The following EFR3B variants were observed in gnomAD, a reference collection of about 807,000 sequenced individuals.
EFR3B encodes protein EFR3 homolog B.
A neutral mutation model predicts 104.7 loss-of-function variants in EFR3B; 64 were observed. The observed-to-expected ratio is 0.61, with a 90% CI of 0.50 to 0.75. The LOEUF is 0.75. Among genes scored for constraint, EFR3B ranks in the 30% least tolerant of loss-of-function variants. The pLI is 0.00. For missense variants in EFR3B, 750 were observed against 1,078.5 expected (o/e 0.70, Z 4.27); for synonymous variants, 385 against 417.9 (o/e 0.92, Z 0.96).
chr2:25,067,426 G>GTTTTTTTTTTTTTTTTTTTTTTT (rs111972158), intron 1 of EFR3B, among the ~76,000 whole-genome samples: 1 of 142,790 alleles, frequency 7.0e-6, no homozygotes, highest in African/African-American at 2.6e-5. Flanking sequence ...TTTAGTTTTT[G>GTTTTTTTTTTTTTTTTTTTTTTT]TTTTTTTTTT....
intron 1 of EFR3B, among the ~76,000 whole-genome samples, chr2:25,087,708 A>C (rs1054850314): frequency 1.3e-5 from 2 of 152,114 alleles, no homozygotes; most frequent in Non-Finnish European, 2.9e-5. Context: ...CCTGACCTCG[A>C]GTGATCCACC....
intron 3 of EFR3B, among the ~76,000 whole-genome samples, chr2:25,099,612 G>C (rs1028075473): frequency 1.3e-5 from 2 of 151,682 alleles, no homozygotes; most frequent in African/African-American, 4.9e-5. Context: ...TGGTTGCTTG[G>C]TATAGAAGTT....
At chr2:25,060,730 C>G (rs1668168448) in intron 1 of EFR3B, among the ~76,000 whole-genome samples, 1 of 151,952 alleles carries the variant, frequency 6.6e-6, no homozygotes, top group Non-Finnish European at 1.5e-5. Context: ...ACCATCATGG[C>G]TAACACAGCG....
chr2:25,042,540 G>A lies in EFR3B; in HGVS notation c.7+221G>A, dbSNP rs1667601138. ...GGGGTCCTCTCCAGGCCCGGCGCGT[G>A]CCGGTGCTGGGCGGTGGTCCTTCGG... On this transcript the variant is annotated intron_variant, in intron 1 of 22. Coordinates refer to ENST00000403714, the MANE Select transcript of EFR3B (RefSeq NM_014971.2). The surrounding 1 kb of genome is among the most constrained non-coding windows in gnomAD (Gnocchi z 5.4). 1 of 1,207,278 alleles carries A rather than the reference G, an allele frequency of 8.3e-7. No individual in the cohort carries two copies. The highest frequency in any genetic ancestry group is 3.4e-5 in the East Asian group (1 of 29,804). 74.8% of individuals were successfully genotyped at this position (1,207,278 alleles called of 1,614,324 possible). A position where few individuals can be genotyped will look rare whatever the true frequency, so the allele number is the denominator to read the frequency against.
intron 16 of EFR3B, among the ~76,000 whole-genome samples, chr2:25,140,774 G>A (rs369065805): frequency 1.3e-5 from 2 of 152,044 alleles, no homozygotes; most frequent in African/African-American, 2.4e-5. Flanking sequence ...CAGGTGCAGC[G>A]GCTCAGCCTT....
intron 4 of EFR3B, among the ~76,000 whole-genome samples, chr2:25,117,010 C>T (rs552391113): frequency 1.1e-4 from 17 of 152,314 alleles, no homozygotes; most frequent in African/African-American, 3.6e-4. Context: ...CCGTGAGCAG[C>T]TGCACTGGCT....
In EFR3B at chr2:25,130,090, G is replaced by T; in HGVS notation, c.751G>T (p.Ala251Ser). 6.4e-7 allele frequency: 1 copy of T among 1,551,802 alleles called. No homozygotes were observed. Among genetic ancestry groups the T allele is most frequent in the Non-Finnish European group, 8.7e-7 (1 of 1,147,024 alleles). The change falls in exon 7 of 23, where the codon GCC becomes TCC. Residue 251 changes from alanine (A) to serine (S), a missense_variant. Coordinates refer to ENST00000403714, the MANE Select transcript of EFR3B (RefSeq NM_014971.2). The surrounding 1 kb of genome is among the most constrained non-coding windows in gnomAD (Gnocchi z 4.6). ...GRAAFGNIKN[A>S]IKPVLIHLDN... Reference sequence around the variant, plus strand: ...GGCTGCCTTTGGCAACATCAAAAACGCCATCAAGCCTGTTCTCATGTGAGT... The same window carrying T: ...GGCTGCCTTTGGCAACATCAAAAACTCCATCAAGCCTGTTCTCATGTGAGT...
chr2:25,065,743 G>T (rs2149171742), intron 1 of EFR3B, among the ~76,000 whole-genome samples: 1 of 152,236 alleles, frequency 6.6e-6, no homozygotes, highest in East Asian at 1.9e-4. Flanking sequence ...CCCCTAAGCT[G>T]CCAGGACTCA....
In EFR3B at chr2:25,042,166, C is replaced by A. The variant is rs1667589965; in HGVS notation, c.-147C>A. 1 of 743,206 alleles carries A rather than the reference C, an allele frequency of 1.3e-6. No homozygotes were observed. Among genetic ancestry groups the A allele is most frequent in the Non-Finnish European group, 1.8e-6 (1 of 554,992 alleles). The allele number at this position is 743,206 out of a possible 1,614,324, so 46.0% of individuals were successfully genotyped here. A position where few individuals can be genotyped will look rare whatever the true frequency, so the allele number is the denominator to read the frequency against. ...CCGGCTCCGTCCTGCCCGCGGCCGG[C>A]CCCCGCGTCTGCTCCCTCCCCGCCC... On this transcript the variant is annotated 5_prime_UTR_variant, in exon 1 of 23. Coordinates refer to ENST00000403714, the MANE Select transcript of EFR3B (RefSeq NM_014971.2). The surrounding 1 kb of genome is among the most constrained non-coding windows in gnomAD (Gnocchi z 5.4).
Position 25,158,585 on chromosome 2 carries a change from T to C in EFR3B, c.*4245T>C, listed in dbSNP as rs1671236199. ...GCCTGGCTAGCTGGAAGACGCGGTA[T>C]GGCAGGGACAGGAGGGCGGCAGGAA... is the stretch of plus-strand genomic sequence containing the variant. On this transcript the variant is annotated 3_prime_UTR_variant, in exon 23 of 23. Coordinates refer to ENST00000403714, the MANE Select transcript of EFR3B (RefSeq NM_014971.2). The C allele has an allele frequency of 1.3e-5, 2 of 153,082 alleles. No individual in the cohort carries two copies. The highest frequency in any genetic ancestry group is 6.5e-5 in the Admixed American group (1 of 15,294). 9.5% of individuals were successfully genotyped at this position (153,082 alleles called of 1,614,324 possible). A position where few individuals can be genotyped will look rare whatever the true frequency, so the allele number is the denominator to read the frequency against.
intron 19 of EFR3B, 73 bp from the exon 20 acceptor site, chr2:25,149,621 A>G: frequency 6.9e-7 from 1 of 1,450,596 alleles, no homozygotes; most frequent in Non-Finnish European, 9.5e-7. Context: ...GCTGCCAGAG[A>G]GCTGGGGGTG....
At position 25,133,014 on chromosome 2, in the gene EFR3B, G is replaced by T. The variant is rs1670411993; in HGVS notation, c.1259G>T (p.Gly420Val). Residue 420 changes from glycine to valine, a missense_variant and splice_region_variant, in exon 11 of 23, where the codon GGG (glycine) becomes GTG (valine). By Grantham distance (109) the Gly-to-Val change is moderately radical. Transcript: ENST00000403714. ...CAGGCGGTGGACACAGGCAGGACGG[G>T]GTGAGCCACCAATCTCCCCCAGCCT... ...LHQAVDTGRT[G>V]ENRNRLTQIM... The T allele has an allele frequency of 2.6e-6, 4 of 1,551,112 alleles. No homozygotes were observed. Among genetic ancestry groups the T allele is most frequent in the South Asian group, 1.2e-5 (1 of 84,056 alleles).
chr2:25,135,334 G>T, intron 12 of EFR3B, 133 bp from the exon 13 acceptor site: 1 of 1,027,996 alleles, frequency 9.7e-7, no homozygotes, highest in Non-Finnish European at 1.4e-6. Context: ...TGTAGGGTAG[G>T]GGAGGCTGGA....
intron 13 of EFR3B, among the ~76,000 whole-genome samples, 176 bp downstream of exon 13, chr2:25,135,815 A>G (rs756286986): frequency 3.3e-5 from 5 of 152,156 alleles, no homozygotes; most frequent in Non-Finnish European, 5.9e-5. Context: ...TTGATCACCA[A>G]CGTTGACCCT....
chr2:25,077,289 A>C (rs1031127734), intron 1 of EFR3B, among the ~76,000 whole-genome samples: 5 of 152,208 alleles, frequency 3.3e-5, no homozygotes, highest in Non-Finnish European at 7.3e-5. Context: ...ATGAAGTTTT[A>C]AAACTTTTTT....
At position 25,139,054 on chromosome 2, in the gene EFR3B, C is replaced by T. The variant is rs756477911; in HGVS notation, c.1723-5C>T. On this transcript the variant is annotated splice_polypyrimidine_tract_variant and splice_region_variant and intron_variant, in intron 15 of 22. Transcript: ENST00000403714. ...ACTCCGGAGGCCTTGTCTATGTTGC[C>T]GCAGGACGTGGCCCAAGTCAATGAG... 2.4e-5 allele frequency: 38 copies of T among 1,551,618 alleles called. 2 individuals carry two copies. The highest frequency in any genetic ancestry group is 9.8e-5 in the Admixed American group (5 of 50,966).
chr2:25,065,783 G>A (rs1057259033), intron 1 of EFR3B, among the ~76,000 whole-genome samples: 1 of 152,138 alleles, frequency 6.6e-6, no homozygotes, highest in African/African-American at 2.4e-5. Flanking sequence ...CTCCTTTTGT[G>A]ATGATGGCCT....
At chr2:25,122,783 C>G (rs1670050745) in intron 5 of EFR3B, among the ~76,000 whole-genome samples, 1 of 152,114 alleles carries the variant, frequency 6.6e-6, no homozygotes, top group South Asian at 2.1e-4. Flanking sequence ...TCATACATTA[C>G]TCTCTGTGTT....
At chr2:25,141,249 T>G in intron 16 of EFR3B, 117 bp from the exon 17 acceptor site, 1 of 1,063,170 alleles carries the variant, frequency 9.4e-7, no homozygotes, top group Non-Finnish European at 1.4e-6. Flanking sequence ...GAGGACACTG[T>G]GCTGAGGAGG....
Sources: allele counts gnomAD v4.1 joint callset (sites outside exome capture counted in the v4.1 genomes callset), GRCh38; gene constraint gnomAD v4.1.1; non-coding constraint Gnocchi (gnomAD v3.1); transcripts MANE v1.5; gene names NCBI Gene and HGNC (gene_info 2026-07-23, HGNC 2026-07-21).